Variants in B4GALT6 observed in about 807,000 individuals in gnomAD.
The protein encoded by B4GALT6 is UDP-Gal:beta-GlcNAc beta-1,4-galactosyltransferase 6.
A neutral mutation model predicts 46.3 loss-of-function variants in B4GALT6; 14 were observed. The ratio of observed to expected loss-of-function variants is 0.30; its 90% CI spans 0.20 to 0.47. The LOEUF (loss-of-function observed/expected upper bound fraction) is 0.47, where lower values mean the gene tolerates loss of function less well. B4GALT6 is among the 20% of genes least tolerant of loss of function. The pLI is 0.99. For missense variants in B4GALT6, 386 were observed against 480.1 expected, an observed-to-expected ratio of 0.80 and a Z score of 1.83; for synonymous variants, 168 against 162.0, an observed-to-expected ratio of 1.04 and a Z score of -0.28.
At chr18:31,668,045 C>T (rs1025712775) in intron 1 of B4GALT6, among the ~76,000 whole-genome samples, 1 of 150,096 alleles carries the variant, frequency 6.7e-6, no homozygotes, top group South Asian at 2.1e-4. Context: ...TGCAGTGAGC[C>T]GAGACTGCGC....
chr18:31,707,742 T>C, the B4GALT6 span, among the ~76,000 whole-genome samples: 1 of 152,158 alleles, frequency 6.6e-6, no homozygotes, highest in South Asian at 2.1e-4. Context: ...ATAGACTCAG[T>C]ATAAAAATTC....
chr18:31,661,108 A>G (rs1034243108), intron 2 of B4GALT6, among the ~76,000 whole-genome samples: 2 of 152,288 alleles, frequency 1.3e-5, no homozygotes, highest in East Asian at 3.9e-4. Flanking sequence ...ACAAAAATAA[A>G]CAGATCTACA....
At chr18:31,688,247 G>GTATATATATATACATATA (rs11274054), upstream of B4GALT6, among the ~76,000 whole-genome samples, 8,732 of 106,396 alleles carry the variant, frequency 0.082, 381 homozygotes, top group African/African-American at 0.24. Flanking sequence ...ATAATTGAGT[G>GTATATATATATACATATA]TATATATATA....
Position 31,625,465 on chromosome 18 carries a change from T to C in B4GALT6, c.*149A>G, listed in dbSNP as rs1296733163. On this transcript the variant is annotated 3_prime_UTR_variant, in exon 9 of 9. Coordinates refer to ENST00000306851, the MANE Select transcript of B4GALT6 (RefSeq NM_004775.5). ...GACGGGTGAGAGAAGGGTGACTGTA[T>C]ATAGTCCCACTCTGTAAACACTGTG... is the stretch of plus-strand genomic sequence containing the variant. 3 of 799,118 alleles carry C rather than the reference T, an allele frequency of 3.8e-6. No homozygotes were observed. The highest frequency in any genetic ancestry group is 1.8e-5 in the African/African-American group (1 of 55,942). The allele number at this position is 799,118 out of a possible 1,614,324, so 49.5% of individuals were successfully genotyped here.
At chr18:31,646,837 T>G (rs1265853597) in intron 3 of B4GALT6, among the ~76,000 whole-genome samples, 2 of 152,358 alleles carry the variant, frequency 1.3e-5, no homozygotes, top group African/African-American at 2.4e-5. Context: ...TACATCGAAA[T>G]ACCTGCTTCC....
the B4GALT6 span, among the ~76,000 whole-genome samples, chr18:31,692,790 C>G: frequency 4.6e-5 from 7 of 152,292 alleles, no homozygotes; most frequent in South Asian, 8.3e-4. Context: ...AAATAATTCA[C>G]TAGAAAACTC....
At chr18:31,709,436 T>TAC in the B4GALT6 span, among the ~76,000 whole-genome samples, 1 of 137,944 alleles carries the variant, frequency 7.2e-6, no homozygotes, top group African/African-American at 2.6e-5. Flanking sequence ...AATTCATACA[T>TAC]ATATATATAT....
intron 3 of B4GALT6, among the ~76,000 whole-genome samples, chr18:31,649,125 G>A (rs1326802149): frequency 3.3e-5 from 5 of 152,176 alleles, no homozygotes; most frequent in African/African-American, 1.2e-4. Flanking sequence ...ACAGCTCTGA[G>A]GCTGAACAGT....
the B4GALT6 span, among the ~76,000 whole-genome samples, chr18:31,716,319 A>C: frequency 6.6e-6 from 1 of 152,232 alleles, no homozygotes; most frequent in Non-Finnish European, 1.5e-5. Context: ...AGAAAGTTCA[A>C]ACTGGATAAT....
At chr18:31,645,309 A>T in intron 4 of B4GALT6, 46 bp downstream of exon 4, 2 of 1,605,748 alleles carry the variant, frequency 1.2e-6, no homozygotes, top group East Asian at 2.2e-5. Flanking sequence ...TCTTTCCTCA[A>T]ATGCTCAGTA....
At chr18:31,655,709 T>C (rs981732371) in intron 3 of B4GALT6, among the ~76,000 whole-genome samples, 21 of 152,292 alleles carry the variant, frequency 1.4e-4, no homozygotes, top group Non-Finnish European at 2.8e-4. Context: ...ATGAAAATTA[T>C]GAAGATGAAA....
intron 1 of B4GALT6, among the ~76,000 whole-genome samples, chr18:31,666,648 C>T (rs1018268859): frequency 2.0e-5 from 3 of 152,154 alleles, no homozygotes; most frequent in African/African-American, 7.2e-5. Flanking sequence ...TGAACCCCCA[C>T]ATCTGTGATT....
At chr18:31,651,184 C>G (rs1381858093) in intron 3 of B4GALT6, among the ~76,000 whole-genome samples, 1 of 152,172 alleles carries the variant, frequency 6.6e-6, no homozygotes, top group Non-Finnish European at 1.5e-5. Context: ...CTACCACCCC[C>G]TCAACCTGCC....
the B4GALT6 span, among the ~76,000 whole-genome samples, chr18:31,691,595 A>G: frequency 2.0e-5 from 3 of 152,050 alleles, no homozygotes; most frequent in Non-Finnish European, 2.9e-5. Flanking sequence ...ATATTTCTAG[A>G]CCATTTTCTA....
intron 1 of B4GALT6, among the ~76,000 whole-genome samples, chr18:31,682,673 T>C (rs1374874182): frequency 6.6e-6 from 1 of 152,234 alleles, no homozygotes; most frequent in South Asian, 2.1e-4. Flanking sequence ...AATATAACTT[T>C]AACATGTTAC....
At chr18:31,699,430 G>A in the B4GALT6 span, among the ~76,000 whole-genome samples, 4 of 151,588 alleles carry the variant, frequency 2.6e-5, no homozygotes, top group East Asian at 1.9e-4. Flanking sequence ...ACGCCACCAC[G>A]CCTGGCTAAT....
the B4GALT6 span, among the ~76,000 whole-genome samples, chr18:31,721,446 A>T: frequency 6.6e-6 from 1 of 152,234 alleles, no homozygotes; most frequent in Non-Finnish European, 1.5e-5. Flanking sequence ...TCAAAACTGT[A>T]AAAAATAAAA....
chr18:31,683,317 T>C (rs960753030), intron 1 of B4GALT6, among the ~76,000 whole-genome samples: 6 of 152,122 alleles, frequency 3.9e-5, no homozygotes, highest in African/African-American at 1.4e-4. Context: ...TTTAGCTAAC[T>C]CGGAACAAAG....
the B4GALT6 span, among the ~76,000 whole-genome samples, chr18:31,716,956 C>G: frequency 6.6e-6 from 1 of 151,698 alleles, no homozygotes; most frequent in Non-Finnish European, 1.5e-5. Flanking sequence ...AAAAATTAGC[C>G]GAGCGTGTGG....
Sources: allele counts gnomAD v4.1 joint callset (sites outside exome capture counted in the v4.1 genomes callset), GRCh38; gene constraint gnomAD v4.1.1; transcripts MANE v1.5; gene names NCBI Gene and HGNC (gene_info 2026-07-23, HGNC 2026-07-21).